The following GREB1 variants were observed in gnomAD, a reference collection of about 807,000 sequenced individuals.
The protein encoded by GREB1 is growth regulating estrogen receptor binding 1.
In GREB1, 106 loss-of-function variants were observed where a neutral mutation model predicts 200.7. That is an observed-to-expected ratio of 0.53 (90% confidence interval 0.45 to 0.62). The LOEUF is 0.62. Ranked by LOEUF, GREB1 falls within the 20% of genes least tolerant of loss-of-function variation. The pLI is 0.00. For synonymous variants in GREB1, 1,132 were observed against 1,092.4 expected, an observed-to-expected ratio of 1.04 and a Z score of -0.72; for missense variants, 2,243 against 2,556.8, an observed-to-expected ratio of 0.88 and a Z score of 2.65.
intron 20 of GREB1, among the ~76,000 whole-genome samples, chr2:11,616,032 C>T (rs1464071973): frequency 2.0e-5 from 3 of 152,246 alleles, no homozygotes; most frequent in Middle Eastern, 3.2e-3. Flanking sequence ...TTTCGAAGCA[C>T]GGCAGAGACT....
chr2:11,633,558 C>T lies in GREB1; in HGVS notation c.4991+495C>T, dbSNP rs1234218505. Among the ~76,000 whole-genome samples, 15 of 142,168 alleles carry T rather than the reference C, an allele frequency of 1.1e-4. No individual in the cohort carries two copies. The highest frequency in any genetic ancestry group is 2.0e-4 in the African/African-American group (8 of 39,092). 93.3% of individuals were successfully genotyped at this position (142,168 alleles called of 152,430 possible). A position where few individuals can be genotyped will look rare whatever the true frequency, so the allele number is the denominator to read the frequency against. On this transcript the variant is annotated intron_variant, in intron 28 of 32. Transcript: ENST00000381486. The surrounding 1 kb of genome is among the most constrained non-coding windows in gnomAD (Gnocchi z 4.1). ...CAGCCTGGCAGACAGAGCGAGACTC[C>T]GTCTAAAAAAAAAAAAAAGAAAGAA... is the stretch of plus-strand genomic sequence containing the variant.
chr2:11,527,695 T>C (rs1673936130), intron 1 of GREB1, among the ~76,000 whole-genome samples: 1 of 152,194 alleles, frequency 6.6e-6, no homozygotes, highest in Non-Finnish European at 1.5e-5. Flanking sequence ...CTAGGCTCCA[T>C]AGATTCTATA....
intron 1 of GREB1, among the ~76,000 whole-genome samples, chr2:11,508,076 G>A (rs1351431408): frequency 6.6e-6 from 1 of 152,072 alleles, no homozygotes; most frequent in Non-Finnish European, 1.5e-5. Context: ...AGTCCATTTC[G>A]CCTATGGTAG....
intron 1 of GREB1, among the ~76,000 whole-genome samples, chr2:11,501,895 GTTTTTTTTTGTTTTTTTT>G (rs1248255300): frequency 0.03 from 1,362 of 45,494 alleles, 107 homozygotes; most frequent in African/African-American, 0.11. Context: ...TGGATTTCCT[GTTTTTTTTTGTTTTTTTT>G]TTTTTTTTTT....
intron 3 of GREB1, among the ~76,000 whole-genome samples, chr2:11,563,960 A>G (rs1343093764): frequency 2.0e-5 from 3 of 152,140 alleles, no homozygotes; most frequent in Non-Finnish European, 4.4e-5. Context: ...TAACGCAGGT[A>G]GAGAGTTTTG....
chr2:11,511,789 C>A (rs544042047), intron 1 of GREB1, among the ~76,000 whole-genome samples: 1 of 152,292 alleles, frequency 6.6e-6, no homozygotes, highest in East Asian at 1.9e-4. Context: ...ATTTTAGACA[C>A]CTAGTCTCAC....
At chr2:11,602,322 G>C in intron 16 of GREB1, 84 bp from the exon 17 acceptor site, 2 of 1,256,348 alleles carry the variant, frequency 1.6e-6, no homozygotes, top group South Asian at 2.5e-5. Flanking sequence ...TGCCAACCCA[G>C]GTCATCCGCA....
At chr2:11,626,462 C>A (rs1384722083) in intron 24 of GREB1, among the ~76,000 whole-genome samples, 1 of 152,050 alleles carries the variant, frequency 6.6e-6, no homozygotes. Context: ...GTGGCGTGCA[C>A]CTGTAATCCC....
intron 29 of GREB1, among the ~76,000 whole-genome samples, chr2:11,634,572 CTG>C (rs1350998418): frequency 2.6e-5 from 4 of 152,344 alleles, no homozygotes; most frequent in Non-Finnish European, 5.9e-5. Context: ...TTATATTGGA[CTG>C]TGTGTTTTTC....
chr2:11,566,665 T>C lies in GREB1; in HGVS notation c.454+9T>C, dbSNP rs761354123. 1.2e-6 allele frequency: 2 copies of C among 1,603,366 alleles called. No individual in the cohort carries two copies. Among genetic ancestry groups the C allele is most frequent in the Non-Finnish European group, 1.7e-6 (2 of 1,172,724 alleles). On this transcript the variant is annotated intron_variant, in intron 4 of 32. Transcript: ENST00000381486. ...CCACAATGCTCTTCTTGGTAAGTAC[T>C]GCTTTGTCATCCTCTGTGGCTCCTT...
At chr2:11,487,111 C>G (rs1227573374) in intron 1 of GREB1, among the ~76,000 whole-genome samples, 1 of 152,098 alleles carries the variant, frequency 6.6e-6, no homozygotes, top group Non-Finnish European at 1.5e-5. Context: ...ATTTCATGGT[C>G]TATTGTGTTG....
At chr2:11,575,887 G>A (rs763032858) in intron 4 of GREB1, among the ~76,000 whole-genome samples, 1 of 152,202 alleles carries the variant, frequency 6.6e-6, no homozygotes, top group Non-Finnish European at 1.5e-5. Flanking sequence ...TCTCTACATA[G>A]GTGTTTAAGT....
intron 1 of GREB1, among the ~76,000 whole-genome samples, chr2:11,553,541 C>G (rs1397322448): frequency 6.6e-6 from 1 of 152,030 alleles, no homozygotes; most frequent in Non-Finnish European, 1.5e-5. Context: ...TTTAGCTTCT[C>G]TGTCTCTTTC....
chr2:11,541,031 G>A (rs1674696046), intron 1 of GREB1, among the ~76,000 whole-genome samples: 2 of 152,340 alleles, frequency 1.3e-5, no homozygotes, highest in South Asian at 4.1e-4. Flanking sequence ...TAGTTGTAGG[G>A]AAGTTAGAAG....
intron 17 of GREB1, among the ~76,000 whole-genome samples, chr2:11,607,226 G>A (rs1273149567): frequency 6.6e-6 from 1 of 151,618 alleles, no homozygotes; most frequent in Non-Finnish European, 1.5e-5. Flanking sequence ...TGGGACTACA[G>A]GTGCATGCCA....
chr2:11,495,053 C>T (rs184561416), intron 1 of GREB1, among the ~76,000 whole-genome samples: 2 of 152,136 alleles, frequency 1.3e-5, no homozygotes, highest in Admixed American at 6.5e-5. Flanking sequence ...GGGTCTCCCC[C>T]GCTTGCCCCT....
intron 17 of GREB1, among the ~76,000 whole-genome samples, chr2:11,606,375 T>C (rs900069445): frequency 2.6e-5 from 4 of 152,226 alleles, no homozygotes; most frequent in African/African-American, 9.6e-5. Flanking sequence ...TTCATTCTAA[T>C]AGGTATGAGG....
chr2:11,580,678 C>A lies in GREB1; in HGVS notation c.773-26C>A, dbSNP rs373399402. The A allele has an allele frequency of 1.3e-6, 2 of 1,592,702 alleles. No homozygotes were observed. Among genetic ancestry groups the A allele is most frequent in the African/African-American group, 2.7e-5 (2 of 74,652 alleles). ...CAGGGCATTCTTGTGAACTGACCCT[C>A]CTCTTTGCCTTCTATCTGTTTTCAG... On this transcript the variant is annotated intron_variant, in intron 6 of 32. Transcript: ENST00000381486. The surrounding 1 kb of genome is among the most constrained non-coding windows in gnomAD (Gnocchi z 4.5).
intron 15 of GREB1, among the ~76,000 whole-genome samples, chr2:11,600,167 A>AAG (rs1681656992): frequency 6.6e-6 from 1 of 152,154 alleles, no homozygotes; most frequent in African/African-American, 2.4e-5. Context: ...AAATTATAGA[A>AAG]AGAGCTGTAT....
Sources: allele counts gnomAD v4.1 joint callset (sites outside exome capture counted in the v4.1 genomes callset), GRCh38; gene constraint gnomAD v4.1.1; non-coding constraint Gnocchi (gnomAD v3.1); transcripts MANE v1.5; gene names NCBI Gene and HGNC (gene_info 2026-07-23, HGNC 2026-07-21).